Variants in ZNF697 observed in about 807,000 individuals in gnomAD.
ZNF697 encodes zinc finger protein 697.
Under a neutral mutation model 32.4 loss-of-function variants are expected in ZNF697, and 23 were observed. The ratio of observed to expected loss-of-function variants is 0.71; its 90% CI spans 0.51 to 1.01. The LOEUF is 1.01. Ranked by LOEUF, ZNF697 falls within the 50% of genes least tolerant of loss-of-function variation. ZNF697 has a pLI of 0.00. For synonymous variants in ZNF697, 418 were observed against 337.2 expected, an observed-to-expected ratio of 1.24 and a Z score of -2.62; for missense variants, 930 against 794.0, an observed-to-expected ratio of 1.17 and a Z score of -2.06.
chr1:119,643,240 C>T (rs1168386766), intron 1 of ZNF697, among the ~76,000 whole-genome samples: 1 of 152,222 alleles, frequency 6.6e-6, no homozygotes, highest in Non-Finnish European at 1.5e-5. Flanking sequence ...TGAAGTATCG[C>T]ATGTGACCCT....
intron 1 of ZNF697, among the ~76,000 whole-genome samples, 175 bp downstream of exon 1, chr1:119,647,516 G>A (rs918906950): frequency 1.3e-5 from 2 of 152,118 alleles, no homozygotes; most frequent in African/African-American, 4.8e-5. Flanking sequence ...GGAGAAGAGA[G>A]GAAAAGGGAG....
At position 119,623,349 on chromosome 1, in the gene ZNF697, G is replaced by C; in HGVS notation, c.994C>G (p.Leu332Val). ...CGEAFSLSSHLLSHRRAHAAA... is the reference protein window; with the variant it reads ...CGEAFSLSSHVLSHRRAHAAA... ...GCGTGCGCGCGCCGGTGGCTCAACA[G>C]ATGCGAGCTGAGGCTGAAGGCCTCG... The change falls in exon 3 of 3, where the codon CTG (leucine) becomes GTG (valine). Residue 332 changes from leucine to valine, a missense_variant. Transcript: ENST00000421812. 1 of 1,420,992 alleles carries C rather than the reference G, an allele frequency of 7.0e-7. No individual in the cohort carries two copies. The highest frequency in any genetic ancestry group is 9.2e-7 in the Non-Finnish European group (1 of 1,090,892). 88.0% of individuals were successfully genotyped at this position (1,420,992 alleles called of 1,614,324 possible). A position where few individuals can be genotyped will look rare whatever the true frequency, so the allele number is the denominator to read the frequency against.
At chr1:119,633,356 ATGTGTGTGTG>A (rs58387828) in intron 1 of ZNF697, among the ~76,000 whole-genome samples, 20,277 of 143,202 alleles carry the variant, frequency 0.14, 1,441 homozygotes, top group African/African-American at 0.2. Context: ...AACCAATAGG[ATGTGTGTGTG>A]TGTGTGTGTG....
Position 119,623,900 on chromosome 1 carries a change from G to T in ZNF697, c.443C>A (p.Ser148Tyr). 1 of 1,555,146 alleles carries T rather than the reference G, an allele frequency of 6.4e-7. No individual in the cohort carries two copies. The highest frequency in any genetic ancestry group is 2.4e-5 in the East Asian group (1 of 41,866). Residue 148 changes from serine (S) to tyrosine (Y), a missense_variant, in exon 3 of 3, where the codon TCC (serine) becomes TAC (tyrosine). Ser to Tyr is a moderately radical substitution (Grantham distance 144). Coordinates refer to ENST00000421812, the MANE Select transcript of ZNF697 (RefSeq NM_001080470.2). ...GTCACCTCGGTGCCGACTCCCCAGG[G>T]AGAGATGTCGCCTCCAGGGAAGTAC... ...PPVLPWRRHL[S>Y]LGSRHRGDKP...
At chr1:119,637,288 A>G (rs587640183) in intron 1 of ZNF697, among the ~76,000 whole-genome samples, 1 of 152,352 alleles carries the variant, frequency 6.6e-6, no homozygotes, top group Admixed American at 6.5e-5. Context: ...GACTCAGTTC[A>G]TCCAATGTGA....
In ZNF697 at chr1:119,648,111, C is replaced by A. The variant is rs587741611; in HGVS notation, c.-458G>T. 2.0e-5 allele frequency among the ~76,000 whole-genome samples: 3 copies of A among 152,218 alleles called. No individual in the cohort carries two copies. Among genetic ancestry groups the A allele is most frequent in the African/African-American group, 7.2e-5 (3 of 41,574 alleles). On this transcript the variant is annotated 5_prime_UTR_variant, in exon 1 of 3. Coordinates refer to ENST00000421812, the MANE Select transcript of ZNF697 (RefSeq NM_001080470.2). The stretch of plus-strand genomic sequence containing the variant: ...CGCGGCGAGGAGCTAGGGCACCGAG[C>A]GCCCCGGCCCGAGCCCCGCACCGCA...
At position 119,623,959 on chromosome 1, in the gene ZNF697, C is replaced by CCGGTTCTCCCCAGCA; in HGVS notation, c.369_383dup (p.Ala124_Arg128dup). On this transcript the variant is annotated inframe_insertion, in exon 3 of 3. Coordinates refer to ENST00000421812, the MANE Select transcript of ZNF697 (RefSeq NM_001080470.2). ...CCGGCTGCTCCTCTTCCTCCTCCAG[C>CCGGTTCTCCCCAGCA]CGGTTCTCCCCAGCACTCTCGTCGT... 1 of 1,604,742 alleles carries CCGGTTCTCCCCAGCA rather than the reference C, an allele frequency of 6.2e-7. No homozygotes were observed. Among genetic ancestry groups the CCGGTTCTCCCCAGCA allele is most frequent in the Non-Finnish European group, 8.5e-7 (1 of 1,175,858 alleles).
In ZNF697 at chr1:119,623,414, AGGCGCCGGTGCTT is replaced by A; in HGVS notation, c.916_928del (p.Lys306CysfsTer24). On this transcript the variant is annotated frameshift_variant, in exon 3 of 3. Coordinates refer to ENST00000421812, the MANE Select transcript of ZNF697 (RefSeq NM_001080470.2). LOFTEE classifies it high-confidence loss of function. ...CGGGTAGGGCTTCTCGCCCGTGTGC[AGGCGCCGGTGCTT>A]GAGCAGGTCGGCGCGCCAGCTGAAG... 1 of 1,526,604 alleles carries A rather than the reference AGGCGCCGGTGCTT, an allele frequency of 6.6e-7. No homozygotes were observed. Among genetic ancestry groups the A allele is most frequent in the African/African-American group, 1.5e-5 (1 of 68,938 alleles). The allele number at this position is 1,526,604 out of a possible 1,614,324, so 94.6% of individuals were successfully genotyped here. A position where few individuals can be genotyped will look rare whatever the true frequency, so the allele number is the denominator to read the frequency against.
chr1:119,624,209 C>T, intron 2 of ZNF697, 93 bp from the exon 3 acceptor site: 2 of 1,399,862 alleles, frequency 1.4e-6, no homozygotes, highest in Non-Finnish European at 1.9e-6. Context: ...CTGTGATCCC[C>T]TCCCTCAGGC....
At chr1:119,641,445 A>G (rs1187410178) in intron 1 of ZNF697, among the ~76,000 whole-genome samples, 3 of 152,226 alleles carry the variant, frequency 2.0e-5, no homozygotes, top group African/African-American at 2.4e-5. Flanking sequence ...GCAAAAAAAT[A>G]TATATGATAA....
In ZNF697 at chr1:119,638,584, CTCT is replaced by C. The variant is rs368580462; in HGVS notation, c.-38+9104_-38+9106del. ...CATACTTCACTGACCACCCTGTCTCCTCTTCTTAACTCCTAAAATAGGTCAGCC... is the reference window on the plus strand; with the variant it reads ...CATACTTCACTGACCACCCTGTCTCCTCTTAACTCCTAAAATAGGTCAGCC... On this transcript the variant is annotated intron_variant, in intron 1 of 2. Transcript: ENST00000421812. Among the ~76,000 whole-genome samples, 262 of 152,308 alleles carry C rather than the reference CTCT, an allele frequency of 1.7e-3. 1 individual carries two copies. The highest frequency in any genetic ancestry group is 5.3e-3 in the African/African-American group (219 of 41,568).
rs902950260 is a variant in ZNF697, at chr1:119,629,373, G to C, written c.-37-3236C>G. On this transcript the variant is annotated intron_variant, in intron 1 of 2. Coordinates refer to ENST00000421812, the MANE Select transcript of ZNF697 (RefSeq NM_001080470.2). ...AGTGTCAGATATTCAGGCATATTTT[G>C]TTCCAGCTCCTTTCCCATTCATTCT... Among the ~76,000 whole-genome samples the C allele has an allele frequency of 5.3e-5, 8 of 152,298 alleles. No homozygotes were observed. In the East Asian group the frequency reaches 1.5e-3, roughly 29 times the overall value.
Position 119,623,231 on chromosome 1 carries a change from T to C in ZNF697, c.1112A>G (p.His371Arg). The change falls in exon 3 of 3, where the codon CAC becomes CGC. Residue 371 changes from histidine to arginine, a missense_variant. Physicochemically the swap from His to Arg is conservative, Grantham distance 29. Coordinates refer to ENST00000421812, the MANE Select transcript of ZNF697 (RefSeq NM_001080470.2). ...CTTCTCGCCCGTGTGGATGCGCTGG[T>C]GGTTGGCCAGGTGCGAACGGCGCAC... The part of the protein sequence containing the change: ...GFVRRSHLAN[H>R]QRIHTGEKPH... 6.4e-7 allele frequency: 1 copy of C among 1,572,344 alleles called. No homozygotes were observed. Among genetic ancestry groups the C allele is most frequent in the Non-Finnish European group, 8.6e-7 (1 of 1,160,360 alleles).
intron 1 of ZNF697, among the ~76,000 whole-genome samples, chr1:119,646,766 GGA>G (rs1649216932): frequency 1.3e-5 from 2 of 152,192 alleles, no homozygotes; most frequent in African/African-American, 4.8e-5. Context: ...AGGGGAGAAA[GGA>G]GAGATAGTGA....
chr1:119,620,471 G>A lies in ZNF697; in HGVS notation c.*2234C>T, dbSNP rs1164542330. 1 of 152,620 alleles carries A rather than the reference G, an allele frequency of 6.6e-6. No homozygotes were observed. 9.5% of individuals were successfully genotyped at this position (152,620 alleles called of 1,614,324 possible). On this transcript the variant is annotated 3_prime_UTR_variant, in exon 3 of 3. Transcript: ENST00000421812. ...AAACTTAAAACAGCTGGAAGAGGTAGATGTACATGGAAAGAAACCCACAAA... is the reference window on the plus strand; with the variant it reads ...AAACTTAAAACAGCTGGAAGAGGTAAATGTACATGGAAAGAAACCCACAAA...
In ZNF697 at chr1:119,623,506, G is replaced by T. The variant is rs776736037; in HGVS notation, c.837C>A (p.His279Gln). The T allele has an allele frequency of 6.4e-7, 1 of 1,571,148 alleles. No homozygotes were observed. Residue 279 changes from histidine to glutamine, a missense_variant, in exon 3 of 3, where the codon CAC (histidine) becomes CAA (glutamine). Transcript: ENST00000421812. ...GCCGCTCGCCCGTGTGCAGGCGCAG[G>T]TGGTTGGTCAGGTAGGTGTTGCGGC... ...GFSRNTYLTN[H>Q]LRLHTGERPN...
chr1:119,622,454 T>G lies in ZNF697; in HGVS notation c.*251A>C. On this transcript the variant is annotated 3_prime_UTR_variant, in exon 3 of 3. Transcript: ENST00000421812. ...CAAGCTCTTCACCCCCTACAGCGTG[T>G]ATTTAAGGAAGTCATCACCCCAAGC... 1.7e-6 allele frequency: 1 copy of G among 589,774 alleles called. No individual in the cohort carries two copies. Among genetic ancestry groups the G allele is most frequent in the Non-Finnish European group, 2.7e-6 (1 of 376,906 alleles). The allele number at this position is 589,774 out of a possible 1,614,324, so 36.5% of individuals were successfully genotyped here.
rs1488957843 is a variant in ZNF697, at chr1:119,648,137, G to A, written c.-484C>T. On this transcript the variant is annotated 5_prime_UTR_variant, in exon 1 of 3. Coordinates refer to ENST00000421812, the MANE Select transcript of ZNF697 (RefSeq NM_001080470.2). ...GCCCCGGCCCGAGCCCCGCACCGCA[G>A]CGCGTCTGCCCTTGTGCGGCGGCGG... Among the ~76,000 whole-genome samples, 1 of 152,074 alleles carries A rather than the reference G, an allele frequency of 6.6e-6. No homozygotes were observed. The highest frequency in any genetic ancestry group is 1.5e-5 in the Non-Finnish European group (1 of 67,992).
intron 1 of ZNF697, among the ~76,000 whole-genome samples, chr1:119,646,972 A>G (rs1182136128): frequency 6.6e-6 from 1 of 152,008 alleles, no homozygotes; most frequent in Non-Finnish European, 1.5e-5. Flanking sequence ...GTGTCATCCT[A>G]CAGGTTAAGG....
Sources: allele counts gnomAD v4.1 joint callset (sites outside exome capture counted in the v4.1 genomes callset), GRCh38; gene constraint gnomAD v4.1.1; transcripts MANE v1.5; gene names NCBI Gene and HGNC (gene_info 2026-07-23, HGNC 2026-07-21).